ABCA10: variants seen among roughly 807,000 people sequenced by gnomAD.
ABCA10 encodes ATP binding cassette subfamily A member 10.
ABCA10 carries 169 observed loss-of-function variants against 187.5 expected under a neutral mutation model. The ratio of observed to expected loss-of-function variants is 0.90; its 90% CI spans 0.80 to 1.02. The LOEUF (loss-of-function observed/expected upper bound fraction) is 1.02, where lower values mean the gene tolerates loss of function less well. ABCA10 is among the 50% of genes least tolerant of loss of function. ABCA10 has a pLI of 0.00. For missense variants in ABCA10, 1,727 were observed against 1,812.4 expected (o/e 0.95, Z 0.86); for synonymous variants, 574 against 601.8 (o/e 0.95, Z 0.68).
At chr17:69,214,404 A>T (rs867736365) in intron 9 of ABCA10, among the ~76,000 whole-genome samples, 2 of 150,774 alleles carry the variant, frequency 1.3e-5, no homozygotes, top group South Asian at 4.2e-4. Flanking sequence ...AGTCCCAGCT[A>T]CTTGGGAGGC....
intron 17 of ABCA10, 138 bp from the exon 18 acceptor site, chr17:69,190,615 C>A (rs1013380668): frequency 1.3e-6 from 1 of 756,300 alleles, no homozygotes; most frequent in South Asian, 2.6e-5. Flanking sequence ...CCAAGGAAAC[C>A]TTTTCTGTAA....
rs1254529209 is a variant in ABCA10, at chr17:69,192,602, A to G, written c.1832T>C (p.Leu611Ser). The change falls in exon 16 of 39, where the codon TTG becomes TCG. Residue 611 changes from leucine to serine, a missense_variant. Physicochemically the swap from Leu to Ser is moderately radical, Grantham distance 145 (BLOSUM62 -2). Transcript: ENST00000690296. The part of the protein sequence containing the change: ...NGKLKCAGSS[L>S]FLKRKWGIGY... ...AATACCCCACTTTCGCTTCAGAAAC[A>G]AAGATGATCCTGCACATTTCAACTT... 1.9e-6 allele frequency: 3 copies of G among 1,613,638 alleles called. No homozygotes were observed. Among genetic ancestry groups the G allele is most frequent in the Non-Finnish European group, 2.5e-6 (3 of 1,179,896 alleles).
intron 9 of ABCA10, among the ~76,000 whole-genome samples, chr17:69,211,520 TTCTC>T (rs1477336777): frequency 1.3e-5 from 2 of 151,764 alleles, no homozygotes; most frequent in Non-Finnish European, 1.5e-5. Context: ...GATTCCCTCT[TTCTC>T]TATCTTTTGA....
In ABCA10 at chr17:69,152,195, GA is replaced by G. The variant is rs767131832; in HGVS notation, c.4257-13del. 1 of 1,591,438 alleles carries G rather than the reference GA, an allele frequency of 6.3e-7. No homozygotes were observed. Among genetic ancestry groups the G allele is most frequent in the Non-Finnish European group, 8.5e-7 (1 of 1,174,088 alleles). The stretch of plus-strand genomic sequence containing the variant: ...TGGAACCAATACACCTAGTTCAGGG[GA>G]AATAAAGAAAAAATACTTGTCTCTT... On this transcript the variant is annotated splice_polypyrimidine_tract_variant and intron_variant, in intron 35 of 38. Coordinates refer to ENST00000690296, the MANE Select transcript of ABCA10 (RefSeq NM_001377321.1).
upstream of ABCA10, among the ~76,000 whole-genome samples, chr17:69,231,594 T>C (rs890173317): frequency 1.8e-4 from 28 of 152,168 alleles, no homozygotes; most frequent in African/African-American, 6.8e-4. Flanking sequence ...CCTCCTGTTA[T>C]TGATTTCTAG....
chr17:69,211,305 CATATATAT>C (rs2074648498), intron 9 of ABCA10, among the ~76,000 whole-genome samples: 2 of 9,730 alleles, frequency 2.1e-4, no homozygotes, highest in African/African-American at 9.8e-4. Flanking sequence ...ATATATACAT[CATATATAT>C]GATATATATA....
intron 3 of ABCA10, chr17:69,223,783 A>G (rs2074770954): frequency 2.9e-6 from 1 of 343,716 alleles, no homozygotes; most frequent in African/African-American, 2.2e-5. Context: ...AGATAAATGT[A>G]GAATAAGACA....
In ABCA10 at chr17:69,203,069, C is replaced by G. The variant is rs1215325177; in HGVS notation, c.1007-1401G>C. Among the ~76,000 whole-genome samples the G allele has an allele frequency of 2.0e-5, 3 of 151,958 alleles. 1 individual carries two copies. Among genetic ancestry groups the G allele is most frequent in the African/African-American group, 7.3e-5 (3 of 41,376 alleles). Reference sequence around the variant, plus strand: ...ATATAAACTTCTTGATGTATGAAAGCAAAAGATGTTGATGACATGTAGAAA... The same window carrying G: ...ATATAAACTTCTTGATGTATGAAAGGAAAAGATGTTGATGACATGTAGAAA... On this transcript the variant is annotated intron_variant, in intron 9 of 38. Transcript: ENST00000690296.
intron 1 of ABCA10, among the ~76,000 whole-genome samples, chr17:69,242,907 T>C (rs898243796): frequency 1.2e-4 from 19 of 152,266 alleles, no homozygotes; most frequent in African/African-American, 4.3e-4. Flanking sequence ...GAAACTTAGA[T>C]TGGGTTAACT....
intron 30 of ABCA10, 137 bp downstream of exon 30, chr17:69,154,882 T>G (rs1306566707): frequency 1.7e-6 from 1 of 571,628 alleles, no homozygotes; most frequent in Admixed American, 3.3e-5. Context: ...TCTGCTGACA[T>G]GTGAAGAAGT....
At chr17:69,173,363 T>C (rs1329615734) in intron 25 of ABCA10, among the ~76,000 whole-genome samples, 1 of 152,146 alleles carries the variant, frequency 6.6e-6, no homozygotes, top group Non-Finnish European at 1.5e-5. Context: ...TTCCTGCTTA[T>C]ACTAAATCCA....
Position 69,235,237 on chromosome 17 carries a change from GTGCC to G in ABCA10, c.-592-6381_-592-6378del, listed in dbSNP as rs2074859870. 2.0e-5 allele frequency among the ~76,000 whole-genome samples: 3 copies of G among 152,296 alleles called. No homozygotes were observed. The East Asian group carries it at 5.8e-4, about 29-fold the overall frequency. ...AACTAGATTCTGTGCCATTTGGAGA[GTGCC>G]TGAAACGTTTCCTATTTTGTGGCTC... On this transcript the variant is annotated intron_variant, in intron 1 of 39. Coordinates refer to the ABCA10 transcript ENST00000269081.
chr17:69,223,536 T>G (rs1324006320), intron 3 of ABCA10: 1 of 324,996 alleles, frequency 3.1e-6, no homozygotes, highest in Non-Finnish European at 6.0e-6. Context: ...GTTTATGTAT[T>G]ATGTTCTAAA....
Position 69,187,746 on chromosome 17 carries a change from T to A in ABCA10, c.2265A>T (p.Gln755His). Reference sequence around the variant, plus strand: ...AGCGAAGTGTTGCCACTGCATAGATTTGTCGTCTCCAGAGAGCTGCACTAC... The same window carrying A: ...AGCGAAGTGTTGCCACTGCATAGATATGTCGTCTCCAGAGAGCTGCACTAC... ...AVSSAALWRR[Q>H]IYAVATLRFL... Residue 755 changes from glutamine to histidine, a missense_variant, in exon 19 of 39, where the codon CAA (glutamine) becomes CAT (histidine). Gln to His is a conservative substitution (Grantham distance 24). Transcript: ENST00000690296. The A allele has an allele frequency of 6.2e-7, 1 of 1,613,950 alleles. No individual in the cohort carries two copies. The highest frequency in any genetic ancestry group is 8.5e-7 in the Non-Finnish European group (1 of 1,179,830).
At chr17:69,180,047 T>TAATAATGGCTC (rs1400494346) in intron 22 of ABCA10, among the ~76,000 whole-genome samples, 34 of 152,236 alleles carry the variant, frequency 2.2e-4, no homozygotes, top group African/African-American at 8.2e-4. Flanking sequence ...ACAGTAATGA[T>TAATAATGGCTC]AATAATGGCT....
intron 2 of ABCA10, among the ~76,000 whole-genome samples, chr17:69,226,760 A>C (rs2074796911): frequency 6.6e-6 from 1 of 151,894 alleles, no homozygotes; most frequent in Non-Finnish European, 1.5e-5. Flanking sequence ...TGCCCACGTA[A>C]AAATCTATTT....
chr17:69,222,041 T>C, intron 4 of ABCA10, 146 bp from the exon 5 acceptor site: 2 of 630,222 alleles, frequency 3.2e-6, no homozygotes, highest in Non-Finnish European at 5.2e-6. Context: ...TTTAAAGTAC[T>C]CTACAGAATT....
chr17:69,181,810 T>G (rs1465259382), intron 22 of ABCA10, among the ~76,000 whole-genome samples: 1 of 151,884 alleles, frequency 6.6e-6, no homozygotes, highest in East Asian at 1.9e-4. Context: ...CTGTTCATGC[T>G]GTATTCTCAA....
chr17:69,158,560 T>C (rs1415526813), intron 27 of ABCA10, among the ~76,000 whole-genome samples: 2 of 152,004 alleles, frequency 1.3e-5, no homozygotes, highest in South Asian at 2.1e-4. Flanking sequence ...CTAAAGTATA[T>C]AAAATAAACC....
Sources: gnomAD v4.1 joint callset for allele counts (sites outside exome capture counted in the v4.1 genomes callset) on GRCh38, gnomAD v4.1.1 for gene constraint, MANE v1.5 for transcripts, NCBI Gene and HGNC (gene_info 2026-07-23, HGNC 2026-07-21) for gene names.